AFF1: variants seen among roughly 807,000 people sequenced by gnomAD.
The protein encoded by AFF1 is ALF transcription elongation factor 1.
A neutral mutation model predicts 121.7 loss-of-function variants in AFF1; 48 were observed. The ratio of observed to expected loss-of-function variants is 0.39; its 90% CI spans 0.31 to 0.50. The LOEUF is 0.50. Ranked by LOEUF, AFF1 falls within the 20% of genes least tolerant of loss-of-function variation. The pLI, the probability that AFF1 is intolerant of heterozygous loss-of-function variation, is 0.76. For synonymous variants in AFF1, 613 were observed against 563.0 expected, an observed-to-expected ratio of 1.09 and a Z score of -1.26; for missense variants, 1,523 against 1,511.7, an observed-to-expected ratio of 1.01 and a Z score of -0.12.
At chr4:86,990,766 G>C (rs1347441707) in intron 2 of AFF1, among the ~76,000 whole-genome samples, 1 of 152,188 alleles carries the variant, frequency 6.6e-6, no homozygotes, top group East Asian at 1.9e-4. Flanking sequence ...ATAAATGCAT[G>C]AGTACTGAGA....
At chr4:86,991,785 TCAA>T (rs1335998632) in intron 2 of AFF1, among the ~76,000 whole-genome samples, 3 of 149,280 alleles carry the variant, frequency 2.0e-5, no homozygotes, top group African/African-American at 4.9e-5. Flanking sequence ...GGAAAATAAA[TCAA>T]CAAATTAATC....
chr4:87,038,162 T>A (rs919993798), intron 2 of AFF1, among the ~76,000 whole-genome samples: 1 of 152,194 alleles, frequency 6.6e-6, no homozygotes, highest in Non-Finnish European at 1.5e-5. Context: ...TAAGACTTTG[T>A]TTTAGGATTA....
At chr4:87,030,713 A>G (rs1308701118) in intron 2 of AFF1, among the ~76,000 whole-genome samples, 1 of 151,866 alleles carries the variant, frequency 6.6e-6, no homozygotes, top group Non-Finnish European at 1.5e-5. Context: ...AAACAGAATG[A>G]TATGTGGAAG....
At chr4:87,112,838 A>G (rs946921334) in intron 11 of AFF1, among the ~76,000 whole-genome samples, 2 of 152,358 alleles carry the variant, frequency 1.3e-5, no homozygotes, top group South Asian at 2.1e-4. Flanking sequence ...GGATCTTTAA[A>G]TAAATTAGTA....
intron 2 of AFF1, among the ~76,000 whole-genome samples, chr4:86,954,818 G>A (rs186766533): frequency 1.3e-5 from 2 of 152,312 alleles, no homozygotes; most frequent in South Asian, 2.1e-4. Flanking sequence ...TTTATGCTGA[G>A]TGAAAGAGGA....
chr4:86,945,521 T>TTTA (rs142494443), intron 1 of AFF1, among the ~76,000 whole-genome samples: 1 of 147,986 alleles, frequency 6.8e-6, no homozygotes, highest in South Asian at 2.2e-4. Context: ...TTTTTTTTTT[T>TTTA]AGACAGGGTC....
intron 1 of AFF1, among the ~76,000 whole-genome samples, chr4:86,947,399 GA>G (rs1340990679): frequency 6.6e-6 from 1 of 152,168 alleles, no homozygotes; most frequent in Admixed American, 6.5e-5. Flanking sequence ...TCGGGAGTAA[GA>G]ATAGAGCTGT....
At chr4:86,995,664 AC>A (rs1164781375) in intron 2 of AFF1, among the ~76,000 whole-genome samples, 1 of 149,942 alleles carries the variant, frequency 6.7e-6, no homozygotes, top group Non-Finnish European at 1.5e-5. Flanking sequence ...GCTCGCTACA[AC>A]CTCCACCTCC....
chr4:87,128,614 G>T (rs1321486103), intron 16 of AFF1, among the ~76,000 whole-genome samples: 1 of 152,188 alleles, frequency 6.6e-6, no homozygotes, highest in Non-Finnish European at 1.5e-5. Flanking sequence ...GTCTGAATCA[G>T]ATTGATTCAT....
intron 5 of AFF1, among the ~76,000 whole-genome samples, chr4:87,085,401 T>C (rs969124098): frequency 6.6e-6 from 1 of 152,048 alleles, no homozygotes; most frequent in Non-Finnish European, 1.5e-5. Flanking sequence ...TTTAATGATA[T>C]TCTTGTCTTT....
chr4:87,039,053 A>G (rs1309053901), intron 2 of AFF1, among the ~76,000 whole-genome samples: 5 of 152,230 alleles, frequency 3.3e-5, no homozygotes, highest in Non-Finnish European at 7.3e-5. Flanking sequence ...GTTTAGCAGC[A>G]GGGCCCATGG....
rs1321670672 is a variant in AFF1, at chr4:87,140,237, A to G, written c.*4536A>G. On this transcript the variant is annotated 3_prime_UTR_variant, in exon 21 of 21. Coordinates refer to ENST00000395146, the MANE Select transcript of AFF1 (RefSeq NM_001166693.3). ...TGCTTAAAAGTAGATTTTTTAAGCA[A>G]TGCTTAACACAGGCAGCATTCACCT... The G allele has an allele frequency of 5.1e-6, 1 of 194,862 alleles. No individual in the cohort carries two copies. The highest frequency in any genetic ancestry group is 2.3e-5 in the African/African-American group (1 of 43,310). The allele number at this position is 194,862 out of a possible 1,614,324, so 12.1% of individuals were successfully genotyped here.
chr4:86,969,689 G>A (rs1463311978), intron 2 of AFF1, among the ~76,000 whole-genome samples: 5 of 151,294 alleles, frequency 3.3e-5, no homozygotes. Flanking sequence ...GACCATCCTG[G>A]CTAACACGGT....
intron 4 of AFF1, 30 bp downstream of exon 4, chr4:87,047,624 C>G: frequency 1.2e-6 from 2 of 1,613,410 alleles, no homozygotes; most frequent in Non-Finnish European, 1.7e-6. Flanking sequence ...TTGGGGAATT[C>G]CAATTCGAAG....
chr4:87,022,580 A>ATATATATATATATATATATCTC, intron 2 of AFF1, among the ~76,000 whole-genome samples: 1 of 89,316 alleles, frequency 1.1e-5, no homozygotes, highest in East Asian at 3.1e-4. Context: ...ATATATATAT[A>ATATATATATATATATATATCTC]TATCTATCTA....
chr4:87,027,242 T>C lies in AFF1; in HGVS notation c.39-18924T>C, dbSNP rs138711967. ...GCATGTGTCTCTACTAGATTGCTTG[T>C]AGTTTCCCAGTAGAGCAAAAAGCAG... On this transcript the variant is annotated intron_variant, in intron 2 of 20. Coordinates refer to ENST00000395146, the MANE Select transcript of AFF1 (RefSeq NM_001166693.3). Among the ~76,000 whole-genome samples, 60 of 152,342 alleles carry C rather than the reference T, an allele frequency of 3.9e-4. No individual in the cohort carries two copies. The East Asian group carries it at 0.012, about 29-fold the overall frequency.
intron 12 of AFF1, among the ~76,000 whole-genome samples, chr4:87,116,588 C>G (rs1200173990): frequency 6.6e-6 from 1 of 152,238 alleles, no homozygotes; most frequent in Non-Finnish European, 1.5e-5. Context: ...GCTGTCATGT[C>G]TGAGATTTGA....
chr4:87,049,348 A>G (rs1359938752), intron 4 of AFF1, among the ~76,000 whole-genome samples: 1 of 151,014 alleles, frequency 6.6e-6, no homozygotes, highest in East Asian at 1.9e-4. Flanking sequence ...CGAGGTGCTT[A>G]TAAACCTGTG....
intron 2 of AFF1, among the ~76,000 whole-genome samples, chr4:87,019,884 C>CGGGGGG (rs34782951): frequency 2.4e-5 from 2 of 82,558 alleles, no homozygotes; most frequent in African/African-American, 8.7e-5. Context: ...CTGAAGGGGT[C>CGGGGGG]GGGGGGGGGC....
Sources: gnomAD v4.1 joint callset for allele counts (sites outside exome capture counted in the v4.1 genomes callset) on GRCh38, gnomAD v4.1.1 for gene constraint, MANE v1.5 for transcripts, NCBI Gene and HGNC (gene_info 2026-07-23, HGNC 2026-07-21) for gene names.